The following FAM135A variants were observed in gnomAD, a reference collection of about 807,000 sequenced individuals.
The protein encoded by FAM135A is protein FAM135A.
FAM135A carries 79 observed loss-of-function variants against 146.8 expected under a neutral mutation model. The ratio of observed to expected loss-of-function variants is 0.54; its 90% CI spans 0.45 to 0.65. The LOEUF is 0.65. Among genes scored for constraint, FAM135A ranks in the 30% least tolerant of loss-of-function variants. The pLI is 0.00. For synonymous variants in FAM135A, 562 were observed against 603.6 expected (o/e 0.93, Z 1.01); for missense variants, 1,623 against 1,758.2 (o/e 0.92, Z 1.38).
chr6:70,468,392 C>G (rs746761752), intron 5 of FAM135A, among the ~76,000 whole-genome samples: 2 of 152,118 alleles, frequency 1.3e-5, no homozygotes, highest in Non-Finnish European at 1.5e-5. Context: ...TATAGCTACC[C>G]TTATAAAAGA....
At chr6:70,433,052 A>G (rs1405741961) in intron 4 of FAM135A, among the ~76,000 whole-genome samples, 4 of 151,722 alleles carry the variant, frequency 2.6e-5, no homozygotes, top group East Asian at 1.9e-4. Context: ...GGATGTCCGT[A>G]TAATTTATTG....
chr6:70,441,749 G>A (rs542247936), intron 4 of FAM135A, among the ~76,000 whole-genome samples: 4 of 148,854 alleles, frequency 2.7e-5, no homozygotes, highest in South Asian at 4.2e-4. Flanking sequence ...CACTGGCGCC[G>A]TCTCAGCTCA....
chr6:70,545,548 G>A (rs1215080465), intron 20 of FAM135A, among the ~76,000 whole-genome samples: 1 of 152,100 alleles, frequency 6.6e-6, no homozygotes, highest in East Asian at 1.9e-4. Flanking sequence ...CCAGGAGTTG[G>A]AGGCCTGCAG....
chr6:70,421,524 T>C (rs1048649338), intron 2 of FAM135A, among the ~76,000 whole-genome samples: 3 of 152,200 alleles, frequency 2.0e-5, no homozygotes, highest in African/African-American at 7.2e-5. Flanking sequence ...TCAGATTGTT[T>C]ACCCTATCAG....
intron 5 of FAM135A, among the ~76,000 whole-genome samples, chr6:70,466,665 A>G (rs1780530101): frequency 6.6e-6 from 1 of 152,236 alleles, no homozygotes; most frequent in Non-Finnish European, 1.5e-5. Context: ...CATATGGAAC[A>G]GACTGATTTG....
At chr6:70,486,290 A>C (rs770301005) in intron 10 of FAM135A, 3 of 1,567,924 alleles carry the variant, frequency 1.9e-6, no homozygotes, top group Non-Finnish European at 2.6e-6. Flanking sequence ...TTAATTAAAA[A>C]GTATGAAATT....
In FAM135A at chr6:70,481,990, T is replaced by C. The variant is rs1562496480; in HGVS notation, c.670-11T>C. 1.9e-6 allele frequency: 3 copies of C among 1,608,042 alleles called. No individual in the cohort carries two copies. The highest frequency in any genetic ancestry group is 1.7e-6 in the Non-Finnish European group (2 of 1,177,276). ...CTGACACTCTGTATCCTACATCTGT[T>C]TTTTGTTTAGGGTTGTAGCTTCATC... On this transcript the variant is annotated splice_polypyrimidine_tract_variant and intron_variant, in intron 9 of 21. Transcript: ENST00000418814.
intron 10 of FAM135A, among the ~76,000 whole-genome samples, chr6:70,488,632 A>G (rs762523594): frequency 9.2e-5 from 14 of 152,122 alleles, no homozygotes; most frequent in Non-Finnish European, 1.9e-4. Flanking sequence ...TTACCAACTA[A>G]TGGCCTACTA....
chr6:70,488,666 CAT>C (rs930163784), intron 10 of FAM135A, among the ~76,000 whole-genome samples: 4 of 152,068 alleles, frequency 2.6e-5, no homozygotes, highest in Non-Finnish European at 5.9e-5. Context: ...TTACAGATAA[CAT>C]AAACAGTTGA....
intron 4 of FAM135A, among the ~76,000 whole-genome samples, chr6:70,442,428 G>A (rs1477842964): frequency 1.3e-5 from 2 of 151,858 alleles, no homozygotes; most frequent in East Asian, 1.9e-4. Flanking sequence ...AAAAATTTAC[G>A]TGGGTCCAAA....
At chr6:70,490,958 T>G (rs1230915727) in intron 10 of FAM135A, 76 bp from the exon 11 acceptor site, 2 of 1,114,396 alleles carry the variant, frequency 1.8e-6, no homozygotes, top group Non-Finnish European at 2.5e-6. Flanking sequence ...TAATTTTCAG[T>G]TTTTTATGGG....
chr6:70,495,626 A>T (rs550373445), intron 11 of FAM135A, among the ~76,000 whole-genome samples: 1 of 151,982 alleles, frequency 6.6e-6, no homozygotes, highest in Non-Finnish European at 1.5e-5. Context: ...ACACAGAAAT[A>T]TATTTTATTT....
intron 10 of FAM135A, among the ~76,000 whole-genome samples, chr6:70,488,437 G>A (rs1167094577): frequency 1.4e-5 from 2 of 147,516 alleles, no homozygotes; most frequent in East Asian, 4.0e-4. Flanking sequence ...GCTCTAGACT[G>A]TAACCTTGGA....
intron 12 of FAM135A, among the ~76,000 whole-genome samples, chr6:70,505,395 G>A (rs1789534722): frequency 6.6e-6 from 1 of 152,006 alleles, no homozygotes; most frequent in Admixed American, 6.6e-5. Context: ...ATTTAATCTG[G>A]ACTAATTCCT....
intron 8 of FAM135A, 102 bp downstream of exon 8, chr6:70,477,434 T>C: frequency 8.0e-7 from 1 of 1,254,410 alleles, no homozygotes; most frequent in Non-Finnish European, 1.1e-6. Context: ...AATTGGGTCA[T>C]GGTTCTTCAG....
intron 4 of FAM135A, among the ~76,000 whole-genome samples, chr6:70,451,454 T>A (rs1414471306): frequency 6.6e-6 from 1 of 152,190 alleles, no homozygotes; most frequent in Non-Finnish European, 1.5e-5. Context: ...TCCACTTCGA[T>A]CTTTTTTCAC....
At chr6:70,549,032 G>A (rs754222368) in intron 20 of FAM135A, among the ~76,000 whole-genome samples, 3 of 152,214 alleles carry the variant, frequency 2.0e-5, no homozygotes, top group South Asian at 4.1e-4. Context: ...ATTGATGAGT[G>A]TGTGAAACAG....
chr6:70,464,045 C>A (rs563532581), intron 5 of FAM135A, among the ~76,000 whole-genome samples: 1 of 115,644 alleles, frequency 8.6e-6, no homozygotes, highest in South Asian at 2.7e-4. Flanking sequence ...GGGCAGAGTT[C>A]TTACTTATGT....
At chr6:70,492,855 A>G (rs763012051) in intron 11 of FAM135A, among the ~76,000 whole-genome samples, 28 of 152,152 alleles carry the variant, frequency 1.8e-4, no homozygotes, top group Non-Finnish European at 3.8e-4. Context: ...GTGTAGTGAA[A>G]CTAGTATCTG....
Sources: gnomAD v4.1 joint callset for allele counts (sites outside exome capture counted in the v4.1 genomes callset) on GRCh38, gnomAD v4.1.1 for gene constraint, MANE v1.5 for transcripts, NCBI Gene and HGNC (gene_info 2026-07-23, HGNC 2026-07-21) for gene names.